The following MYO1E variants were observed in gnomAD, a reference collection of about 807,000 sequenced individuals.
The protein encoded by MYO1E is unconventional myosin-Ie.
MYO1E carries 68 observed loss-of-function variants against 151.1 expected under a neutral mutation model. The ratio of observed to expected loss-of-function variants is 0.45; its 90% CI spans 0.37 to 0.55. The LOEUF is 0.55. Among genes scored for constraint, MYO1E ranks in the 20% least tolerant of loss-of-function variants. The pLI is 0.00. For missense variants in MYO1E, 1,363 were observed against 1,389.3 expected (o/e 0.98, Z 0.30); for synonymous variants, 601 against 501.7 (o/e 1.20, Z -2.64).
At chr15:59,295,741 G>A (rs1431033046) in intron 1 of MYO1E, among the ~76,000 whole-genome samples, 1 of 152,110 alleles carries the variant, frequency 6.6e-6, no homozygotes, top group Non-Finnish European at 1.5e-5. Context: ...AGCGTGGAAA[G>A]GCTGGCAAAA....
At chr15:59,195,661 TAG>T in intron 16 of MYO1E, 94 bp from the exon 17 acceptor site, 2 of 1,141,804 alleles carry the variant, frequency 1.8e-6, no homozygotes, top group Non-Finnish European at 2.7e-6. Context: ...TAGAAATACA[TAG>T]CTAGGAATTA....
At chr15:59,307,680 G>A (rs2080522874) in intron 1 of MYO1E, among the ~76,000 whole-genome samples, 1 of 151,948 alleles carries the variant, frequency 6.6e-6, no homozygotes, top group South Asian at 2.1e-4. Flanking sequence ...GCGCGATCTT[G>A]GCTCACGGCA....
rs1566977342 is a variant in MYO1E at position 59,202,342 on chromosome 15, G to A, written c.1682C>T (p.Ala561Val). 1 of 1,613,954 alleles carries A rather than the reference G, an allele frequency of 6.2e-7. No homozygotes were observed. The highest frequency in any genetic ancestry group is 8.5e-7 in the Non-Finnish European group (1 of 1,179,870). Residue 561 changes from alanine (A) to valine (V), a missense_variant, in exon 16 of 28, where the codon GCC (alanine) becomes GTC (valine). Ala to Val is a moderately conservative substitution (Grantham distance 64, BLOSUM62 0). Transcript: ENST00000288235. ...AGAACTAACCTTTATTTTGCTTCCG[G>A]CAGTAGTTGGGCGCCCTTTCTTGTC... ...QADKKGRPTTAGSKIKKQAND... is the reference protein window; with the variant it reads ...QADKKGRPTTVGSKIKKQAND...
At chr15:59,178,641 G>T in intron 18 of MYO1E, 104 bp from the exon 19 acceptor site, 1 of 1,410,566 alleles carries the variant, frequency 7.1e-7, no homozygotes, top group Non-Finnish European at 9.7e-7. Context: ...GCCCAGTGCT[G>T]CAAAGTTACT....
chr15:59,211,149 G>A (rs1480502449), intron 12 of MYO1E, among the ~76,000 whole-genome samples: 1 of 149,848 alleles, frequency 6.7e-6, no homozygotes, highest in Non-Finnish European at 1.5e-5. Context: ...GAAGTGAGCT[G>A]AGATTGTGCC....
chr15:59,211,485 A>G (rs78957343), intron 12 of MYO1E, among the ~76,000 whole-genome samples: 1 of 151,490 alleles, frequency 6.6e-6, no homozygotes, highest in African/African-American at 2.5e-5. Context: ...CATGGCTTTA[A>G]ATACCACCTA....
At chr15:59,214,809 A>G in intron 10 of MYO1E, 89 bp from the exon 11 acceptor site, 2 of 963,714 alleles carry the variant, frequency 2.1e-6, no homozygotes, top group Non-Finnish European at 3.4e-6. Flanking sequence ...TGGATTCTAC[A>G]CGGCAAACAC....
intron 26 of MYO1E, among the ~76,000 whole-genome samples, chr15:59,148,730 A>T (rs150663762): frequency 1.4e-3 from 213 of 152,332 alleles, no homozygotes; most frequent in African/African-American, 4.5e-3. Flanking sequence ...ACACACAGGC[A>T]GCATTTAAAT....
intron 10 of MYO1E, among the ~76,000 whole-genome samples, chr15:59,216,643 A>AGTGTGTGTGTGTCTGTGT: frequency 2.3e-5 from 1 of 43,478 alleles, no homozygotes; most frequent in African/African-American, 9.1e-5. Flanking sequence ...AAGGGCCCCC[A>AGTGTGTGTGTGTCTGTGT]GTGTGTGTGT....
intron 9 of MYO1E, among the ~76,000 whole-genome samples, chr15:59,219,548 T>C (rs1204825642): frequency 6.6e-6 from 1 of 152,228 alleles, no homozygotes; most frequent in African/African-American, 2.4e-5. Flanking sequence ...ATTAAGTCAG[T>C]GAATACATTT....
chr15:59,211,665 C>CCCT (rs1402410916), intron 12 of MYO1E, among the ~76,000 whole-genome samples: 1 of 152,152 alleles, frequency 6.6e-6, no homozygotes, highest in Non-Finnish European at 1.5e-5. Flanking sequence ...TCCAAACAAC[C>CCCT]CCTCTTCTAA....
intron 1 of MYO1E, among the ~76,000 whole-genome samples, chr15:59,333,457 A>G (rs575662907): frequency 1.3e-5 from 2 of 152,058 alleles, no homozygotes; most frequent in Non-Finnish European, 2.9e-5. Context: ...TGGCCAGGCT[A>G]ATCTCAAACT....
intron 7 of MYO1E, 52 bp from the exon 8 acceptor site, chr15:59,224,875 A>G: frequency 4.3e-6 from 7 of 1,613,130 alleles, no homozygotes; most frequent in Non-Finnish European, 5.9e-6. Context: ...AAGGCACCCG[A>G]AGTCACTCCT....
chr15:59,356,745 T>C (rs1015252358), intron 1 of MYO1E, among the ~76,000 whole-genome samples: 6 of 151,798 alleles, frequency 4.0e-5, no homozygotes, highest in Non-Finnish European at 8.8e-5. Context: ...AACCGGCTAT[T>C]TTCTGTATTG....
intron 4 of MYO1E, among the ~76,000 whole-genome samples, chr15:59,253,952 A>G (rs2080180043): frequency 6.6e-6 from 1 of 150,720 alleles, no homozygotes; most frequent in Non-Finnish European, 1.5e-5. Context: ...GGAAGGGAAA[A>G]TTGTTAAAGA....
chr15:59,371,670 C>T (rs2080945637), intron 1 of MYO1E, among the ~76,000 whole-genome samples: 1 of 152,222 alleles, frequency 6.6e-6, no homozygotes, highest in African/African-American at 2.4e-5. Flanking sequence ...AAACTCGAAA[C>T]TCGCGAGGGC....
At chr15:59,149,055 T>A (rs1234397704) in intron 26 of MYO1E, among the ~76,000 whole-genome samples, 2 of 49,496 alleles carry the variant, frequency 4.0e-5, no homozygotes, top group Non-Finnish European at 7.4e-5. Flanking sequence ...TTTTTTTGTT[T>A]TTTTTTTTTT....
chr15:59,335,305 C>T (rs2080721644), intron 1 of MYO1E, among the ~76,000 whole-genome samples: 3 of 150,148 alleles, frequency 2.0e-5, no homozygotes, highest in South Asian at 2.3e-4. Context: ...GGACTAGCAT[C>T]AAAGAGTGTG....
intron 1 of MYO1E, among the ~76,000 whole-genome samples, chr15:59,333,484 C>T (rs970969269): frequency 3.3e-5 from 5 of 152,158 alleles, no homozygotes; most frequent in African/African-American, 2.4e-5. Flanking sequence ...CTCAAGCGAT[C>T]CTCCTGTCTC....
Sources: gnomAD v4.1 joint callset for allele counts (sites outside exome capture counted in the v4.1 genomes callset) on GRCh38, gnomAD v4.1.1 for gene constraint, MANE v1.5 for transcripts, NCBI Gene and HGNC (gene_info 2026-07-23, HGNC 2026-07-21) for gene names.